Variants in FHIT observed in about 807,000 individuals in gnomAD.
FHIT encodes the protein fragile histidine triad diadenosine triphosphatase.
Under a neutral mutation model 17.9 loss-of-function variants are expected in FHIT, and 19 were observed. The observed-to-expected ratio is 1.06, with a 90% CI of 0.74 to 1.56. The LOEUF (loss-of-function observed/expected upper bound fraction) is 1.56. Ranked by LOEUF, FHIT falls within the 40% of genes most tolerant of loss-of-function variation. The probability of loss-of-function intolerance (pLI) is 0.00; values close to 1 mark genes in which losing one functional copy is unlikely to be tolerated. For missense variants in FHIT, 248 were observed against 189.2 expected, an observed-to-expected ratio of 1.31 and a Z score of -1.82; for synonymous variants, 81 against 69.7, an observed-to-expected ratio of 1.16 and a Z score of -0.81.
chr3:60,331,564 G>A lies in FHIT; in HGVS notation c.103+205296C>T, dbSNP rs115854897. ...AATTCTTTAACATAGAAATATACTCGGTCCGGGTATGGTGGCTTGCGCCTG... is the reference window on the plus strand; with the variant it reads ...AATTCTTTAACATAGAAATATACTCAGTCCGGGTATGGTGGCTTGCGCCTG... On this transcript the variant is annotated intron_variant, in intron 5 of 9. Coordinates refer to ENST00000492590, the MANE Select transcript of FHIT (RefSeq NM_002012.4). 3.0e-3 allele frequency among the ~76,000 whole-genome samples: 463 copies of A among 152,212 alleles called. 2 individuals are homozygous for A. Among genetic ancestry groups the A allele is most frequent in the African/African-American group, 0.011 (441 of 41,546 alleles).
chr3:60,546,666 C>T (rs2036376085), intron 4 of FHIT, among the ~76,000 whole-genome samples: 2 of 152,166 alleles, frequency 1.3e-5, no homozygotes, highest in Non-Finnish European at 2.9e-5. Context: ...CCTTTCTGGC[C>T]TTTAGTCCTC....
At chr3:60,898,115 A>C (rs1705924327) in intron 3 of FHIT, among the ~76,000 whole-genome samples, 2 of 152,178 alleles carry the variant, frequency 1.3e-5, no homozygotes, top group Admixed American at 6.5e-5. Context: ...TATTAAAAAA[A>C]CCCTCTGTTC....
intron 8 of FHIT, among the ~76,000 whole-genome samples, chr3:59,901,258 A>C (rs893906100): frequency 3.3e-5 from 5 of 152,230 alleles, no homozygotes; most frequent in African/African-American, 1.2e-4. Flanking sequence ...CTAGGTTTTA[A>C]AATTTCAGCT....
rs144687588 is a variant in FHIT, at chr3:60,594,114, A to C, written c.-17-57135T>G. ...GTTTCCAGAAAAGTTAACACCTATA[A>C]AAATATTGTTTCCAGTTTTCTGTAT... On this transcript the variant is annotated intron_variant, in intron 4 of 9. Transcript: ENST00000492590. 6.1e-3 allele frequency among the ~76,000 whole-genome samples: 924 copies of C among 152,254 alleles called. 10 individuals are homozygous for C. Among genetic ancestry groups the C allele is most frequent in the African/African-American group, 0.021 (860 of 41,562 alleles).
rs537242436 is a variant in FHIT at position 60,102,529 on chromosome 3, T to C, written c.104-88377A>G. ...GACAGCCTCCACATTCCTCAGCATG[T>C]CCAGTCACAATCACCATCTCCCCAA... is the stretch of plus-strand genomic sequence containing the variant. On this transcript the variant is annotated intron_variant, in intron 5 of 9. Coordinates refer to ENST00000492590, the MANE Select transcript of FHIT (RefSeq NM_002012.4). 1.6e-3 allele frequency among the ~76,000 whole-genome samples: 250 copies of C among 152,206 alleles called. 2 individuals are homozygous for C. Among genetic ancestry groups the C allele is most frequent in the Non-Finnish European group, 4.4e-4 (30 of 68,026 alleles).
intron 5 of FHIT, among the ~76,000 whole-genome samples, chr3:60,385,181 T>A (rs1700960604): frequency 6.6e-6 from 1 of 152,190 alleles, no homozygotes; most frequent in African/African-American, 2.4e-5. Context: ...GCAATGGAAA[T>A]AATAATGTCT....
intron 3 of FHIT, among the ~76,000 whole-genome samples, chr3:60,988,190 G>A (rs1185965160): frequency 6.6e-6 from 1 of 152,076 alleles, no homozygotes; most frequent in Non-Finnish European, 1.5e-5. Flanking sequence ...TGGTACAAAG[G>A]CAAACTAAAT....
intron 5 of FHIT, among the ~76,000 whole-genome samples, chr3:60,198,890 G>C (rs1439880690): frequency 1.3e-5 from 2 of 152,158 alleles, no homozygotes; most frequent in Non-Finnish European, 2.9e-5. Context: ...ATCTACAACA[G>C]TATTACTGCA....
intron 5 of FHIT, among the ~76,000 whole-genome samples, chr3:60,495,138 C>T (rs2034244040): frequency 6.6e-6 from 1 of 152,072 alleles, no homozygotes; most frequent in Non-Finnish European, 1.5e-5. Flanking sequence ...GCATTTGTTA[C>T]TGTCTGTCTT....
intron 2 of FHIT, among the ~76,000 whole-genome samples, chr3:61,098,884 T>A: frequency 6.6e-6 from 1 of 152,160 alleles, no homozygotes; most frequent in Non-Finnish European, 1.5e-5. Flanking sequence ...TATAAGATTA[T>A]GTCACCTGCA....
chr3:60,822,097 T>C (rs1257323695), intron 3 of FHIT, 86 bp from the exon 4 acceptor site: 1 of 152,144 alleles, frequency 6.6e-6, no homozygotes, highest in African/African-American at 2.4e-5. Flanking sequence ...ACGTTCACCA[T>C]GAATACTGAG....
chr3:60,948,834 T>G (rs76393293), intron 3 of FHIT, among the ~76,000 whole-genome samples: 4,297 of 152,202 alleles, frequency 0.028, 201 homozygotes, highest in African/African-American at 0.097. Context: ...AGCTGCAACC[T>G]GAAAACCACT....
At chr3:60,937,208 AG>A (rs1708228248) in intron 3 of FHIT, among the ~76,000 whole-genome samples, 1 of 152,246 alleles carries the variant, frequency 6.6e-6, no homozygotes, top group South Asian at 2.1e-4. Flanking sequence ...TAGATTCCAC[AG>A]ACCCACATTA....
intron 4 of FHIT, among the ~76,000 whole-genome samples, chr3:60,697,755 A>G (rs2107900272): frequency 6.6e-6 from 1 of 152,326 alleles, no homozygotes; most frequent in East Asian, 1.9e-4. Context: ...CCAGCGGACT[A>G]TAAACATAAG....
chr3:61,194,962 C>G (rs1256703353), intron 2 of FHIT, among the ~76,000 whole-genome samples: 1 of 140,184 alleles, frequency 7.1e-6, no homozygotes, highest in African/African-American at 2.7e-5. Flanking sequence ...TTCTCTCATA[C>G]GTGATAAACA....
intron 5 of FHIT, among the ~76,000 whole-genome samples, chr3:60,313,718 C>CA (rs1311821608): frequency 4.4e-5 from 5 of 112,888 alleles, no homozygotes; most frequent in Admixed American, 4.2e-4. Flanking sequence ...CCGGGGGGAG[C>CA]AAAAGCATAG....
intron 2 of FHIT, among the ~76,000 whole-genome samples, chr3:61,052,647 G>A (rs10866043): frequency 0.71 from 107,732 of 151,736 alleles, 40,290 homozygotes; most frequent in East Asian, 0.99. Context: ...TGCTGTTATT[G>A]CCCACGAGTT....
chr3:60,441,822 AT>A (rs1223936656), intron 5 of FHIT, among the ~76,000 whole-genome samples: 1 of 116,412 alleles, frequency 8.6e-6, no homozygotes, highest in Non-Finnish European at 1.7e-5. Context: ...ATATCAGGTC[AT>A]TTTTCCTCCC....
rs531910758 is a variant in FHIT at position 60,614,558 on chromosome 3, C to T, written c.-17-77579G>A. On this transcript the variant is annotated intron_variant, in intron 4 of 9. Coordinates refer to ENST00000492590, the MANE Select transcript of FHIT (RefSeq NM_002012.4). ...GGCAGAGGTTGCAGTGAGACGAGAT[C>T]GATCACGTCATTGCACTCCAGCCTG... Among the ~76,000 whole-genome samples the T allele has an allele frequency of 4.6e-5, 7 of 152,030 alleles. No individual in the cohort carries two copies. In the East Asian group the frequency reaches 9.7e-4, roughly 21 times the overall value.
Sources: allele counts gnomAD v4.1 joint callset (sites outside exome capture counted in the v4.1 genomes callset), GRCh38; gene constraint gnomAD v4.1.1; transcripts MANE v1.5; gene names NCBI Gene and HGNC (gene_info 2026-07-23, HGNC 2026-07-21).